EIF2AK2: variants seen among roughly 807,000 people sequenced by gnomAD.
EIF2AK2 encodes interferon-induced, double-stranded RNA-activated protein kinase.
EIF2AK2 carries 40 observed loss-of-function variants against 70.5 expected under a neutral mutation model. The ratio of observed to expected loss-of-function variants is 0.57; its 90% CI spans 0.44 to 0.74. The LOEUF (loss-of-function observed/expected upper bound fraction) is 0.74. Ranked by LOEUF, EIF2AK2 falls within the 30% of genes least tolerant of loss-of-function variation. The pLI is 0.00. For synonymous variants in EIF2AK2, 198 were observed against 220.9 expected (o/e 0.90, Z 0.92); for missense variants, 555 against 644.3 (o/e 0.86, Z 1.50).
rs542803132 is a variant in EIF2AK2, at chr2:37,124,272, A to AT, written c.909-1609dup. ...CCTGAGCCACTGCACCCAGCCAGTC[A>AT]TTTTTTTTGAGAAGAGTCTTGCTTT... On this transcript the variant is annotated intron_variant, in intron 11 of 16. Coordinates refer to ENST00000233057, the MANE Select transcript of EIF2AK2 (RefSeq NM_001135651.3). Among the ~76,000 whole-genome samples, 89 of 145,628 alleles carry AT rather than the reference A, an allele frequency of 6.1e-4. No individual in the cohort carries two copies. The South Asian group carries it at 0.016, about 26-fold the overall frequency.
intron 10 of EIF2AK2, among the ~76,000 whole-genome samples, chr2:37,134,791 T>G (rs968982607): frequency 1.3e-5 from 2 of 152,132 alleles, no homozygotes; most frequent in African/African-American, 4.8e-5. Context: ...CACATATCTT[T>G]GTCTCCCCAC....
intron 12 of EIF2AK2, among the ~76,000 whole-genome samples, 194 bp from the exon 13 acceptor site, chr2:37,120,333 G>A (rs954516227): frequency 6.6e-6 from 1 of 150,424 alleles, no homozygotes; most frequent in African/African-American, 2.4e-5. Flanking sequence ...GTGAAACCCC[G>A]TCTCTACTAA....
intron 4 of EIF2AK2, among the ~76,000 whole-genome samples, chr2:37,145,742 C>CTTTTTTTTTTT (rs56051707): frequency 3.9e-5 from 2 of 51,224 alleles, no homozygotes; most frequent in African/African-American, 1.6e-4. Flanking sequence ...TTTTGCTTGT[C>CTTTTTTTTTTT]TTTTTTTTTT....
At position 37,138,377 on chromosome 2, in the gene EIF2AK2, G is replaced by T; in HGVS notation, c.594-14C>A. 2 of 1,609,954 alleles carry T rather than the reference G, an allele frequency of 1.2e-6. No homozygotes were observed. Among genetic ancestry groups the T allele is most frequent in the Non-Finnish European group, 1.7e-6 (2 of 1,177,128 alleles). Reference sequence around the variant, plus strand: ...GATTCAGAAGCGCTAGAAGAAAAGGGTGTAACTATTAGTTTATTAATTCTG... The same window carrying T: ...GATTCAGAAGCGCTAGAAGAAAAGGTTGTAACTATTAGTTTATTAATTCTG... On this transcript the variant is annotated splice_polypyrimidine_tract_variant and intron_variant, in intron 7 of 16. Transcript: ENST00000233057.
At chr2:37,114,676 T>A in intron 14 of EIF2AK2, 55 bp downstream of exon 14, 2 of 1,439,180 alleles carry the variant, frequency 1.4e-6, no homozygotes. Context: ...CTACTCTTTT[T>A]ATAATTTTCA....
rs1673992516 is a variant in EIF2AK2, at chr2:37,107,244, C to A, written c.*29G>T. The A allele has an allele frequency of 6.3e-7, 1 of 1,598,840 alleles. No homozygotes were observed. Among genetic ancestry groups the A allele is most frequent in the African/African-American group, 1.3e-5 (1 of 74,246 alleles). On this transcript the variant is annotated 3_prime_UTR_variant, in exon 17 of 17. Transcript: ENST00000233057. ...AGATAATTTAAGGAAAACTGCATAT[C>A]AGAAGCAGGATACTTTTTCAGAAGG...
chr2:37,123,201 GCCAA>G (rs1674616534), intron 11 of EIF2AK2, among the ~76,000 whole-genome samples: 2 of 151,946 alleles, frequency 1.3e-5, no homozygotes, highest in Non-Finnish European at 2.9e-5. Context: ...GCGACTTAAT[GCCAA>G]GCATCAGACA....
In EIF2AK2 at chr2:37,126,534, C is replaced by G. The variant is rs1185322904; in HGVS notation, c.786-123G>C. 2.2e-6 allele frequency: 3 copies of G among 1,392,070 alleles called. No individual in the cohort carries two copies. In the South Asian group the frequency reaches 4.5e-5, roughly 21 times the overall value. The allele number at this position is 1,392,070 out of a possible 1,614,324, so 86.2% of individuals were successfully genotyped here. On this transcript the variant is annotated intron_variant, in intron 10 of 16. Transcript: ENST00000233057. ...ACAATAAAACAAATTTGATTCTCTC[C>G]TTCTGAATAAGAAAGATCCACTTGG...
Position 37,108,623 on chromosome 2 carries a change from G to A in EIF2AK2, c.1479+571C>T, listed in dbSNP as rs1471582601. Among the ~76,000 whole-genome samples the A allele has an allele frequency of 2.0e-5, 3 of 152,164 alleles. No homozygotes were observed. In the East Asian group the frequency reaches 5.8e-4, roughly 29 times the overall value. ...GTCACTCTGTCACCCAGGCTGGAGT[G>A]CAGTGGTGTGATCTTGGCTCACTGC... On this transcript the variant is annotated intron_variant, in intron 15 of 16. Transcript: ENST00000233057.
chr2:37,140,319 T>C (rs923458769), intron 5 of EIF2AK2, among the ~76,000 whole-genome samples: 3 of 152,334 alleles, frequency 2.0e-5, no homozygotes, highest in African/African-American at 7.2e-5. Context: ...CTCCTCCTAT[T>C]AGATGTAAGG....
At chr2:37,117,223 A>G (rs1241112965) in intron 13 of EIF2AK2, among the ~76,000 whole-genome samples, 2 of 150,414 alleles carry the variant, frequency 1.3e-5, no homozygotes, top group Admixed American at 6.6e-5. Flanking sequence ...AAAAAAAAAA[A>G]AAAAGAAAAA....
At chr2:37,152,594 TA>T (rs1675784902) in intron 1 of EIF2AK2, among the ~76,000 whole-genome samples, 1 of 152,210 alleles carries the variant, frequency 6.6e-6, no homozygotes, top group Admixed American at 6.5e-5. Context: ...CCACTCTTTT[TA>T]ACACACCTTA....
At chr2:37,136,715 A>G (rs1675139122) in intron 9 of EIF2AK2, 1 of 242,316 alleles carries the variant, frequency 4.1e-6, no homozygotes, top group Non-Finnish European at 8.0e-6. Context: ...AAACAGCCCA[A>G]TTCCTTGCCA....
At chr2:37,109,173 C>A (rs767214445) in intron 15 of EIF2AK2, 21 bp downstream of exon 15, 2 of 1,611,134 alleles carry the variant, frequency 1.2e-6, no homozygotes, top group Non-Finnish European at 1.7e-6. Flanking sequence ...TTGTTTAATT[C>A]TTTCTTTGAG....
chr2:37,107,131 C>T lies in EIF2AK2; in HGVS notation c.*142G>A. On this transcript the variant is annotated 3_prime_UTR_variant, in exon 17 of 17. Transcript: ENST00000233057. ...CAAAAAGAAGAAAACCTTTCTGTTT[C>T]TGCAGAAAGATTAGTAAAAATAGTA... 1 of 1,051,122 alleles carries T rather than the reference C, an allele frequency of 9.5e-7. No homozygotes were observed. The highest frequency in any genetic ancestry group is 1.3e-6 in the Non-Finnish European group (1 of 783,170). 65.1% of individuals were successfully genotyped at this position (1,051,122 alleles called of 1,614,324 possible). A position where few individuals can be genotyped will look rare whatever the true frequency, so the allele number is the denominator to read the frequency against.
In EIF2AK2 at chr2:37,107,071, C is replaced by T. The variant is rs1211213205; in HGVS notation, c.*202G>A. On this transcript the variant is annotated 3_prime_UTR_variant, in exon 17 of 17. Transcript: ENST00000233057. ...AAAAAAAAAAGAATAAAGAGATGAG[C>T]CAGGAAAAAGTAAAATGTAAGAATG... The T allele has an allele frequency of 1.6e-6, 1 of 613,548 alleles. No individual in the cohort carries two copies. Among genetic ancestry groups the T allele is most frequent in the East Asian group, 3.6e-5 (1 of 27,562 alleles). 38.0% of individuals were successfully genotyped at this position (613,548 alleles called of 1,614,324 possible).
chr2:37,147,884 C>T, intron 2 of EIF2AK2, 62 bp from the exon 3 acceptor site: 1 of 1,223,476 alleles, frequency 8.2e-7, no homozygotes, highest in Non-Finnish European at 1.2e-6. Context: ...CTGAGTTTCC[C>T]AATGCAGTTT....
chr2:37,107,151 A>C lies in EIF2AK2; in HGVS notation c.*122T>G. The C allele has an allele frequency of 8.1e-7, 1 of 1,234,070 alleles. No individual in the cohort carries two copies. The highest frequency in any genetic ancestry group is 1.1e-6 in the Non-Finnish European group (1 of 935,916). 76.4% of individuals were successfully genotyped at this position (1,234,070 alleles called of 1,614,324 possible). A position where few individuals can be genotyped will look rare whatever the true frequency, so the allele number is the denominator to read the frequency against. Reference sequence around the variant, plus strand: ...TGTTTCTGCAGAAAGATTAGTAAAAATAGTAAAAAATTAAAGGAAACATTA... The same window carrying C: ...TGTTTCTGCAGAAAGATTAGTAAAACTAGTAAAAAATTAAAGGAAACATTA... On this transcript the variant is annotated 3_prime_UTR_variant, in exon 17 of 17. Coordinates refer to ENST00000233057, the MANE Select transcript of EIF2AK2 (RefSeq NM_001135651.3).
chr2:37,133,691 C>T (rs765317126), intron 10 of EIF2AK2, among the ~76,000 whole-genome samples: 10 of 152,178 alleles, frequency 6.6e-5, no homozygotes, highest in East Asian at 1.9e-4. Flanking sequence ...ACATGAATGC[C>T]GGAGGAAAAG....
Sources: allele counts gnomAD v4.1 joint callset (sites outside exome capture counted in the v4.1 genomes callset), GRCh38; gene constraint gnomAD v4.1.1; transcripts MANE v1.5; gene names NCBI Gene and HGNC (gene_info 2026-07-23, HGNC 2026-07-21).